Variants in ATP8A2 observed in about 807,000 individuals in gnomAD.
ATP8A2 encodes ATPase phospholipid transporting 8A2.
A neutral mutation model predicts 165.6 loss-of-function variants in ATP8A2; 100 were observed. The observed-to-expected ratio is 0.60, with a 90% confidence interval of 0.51 to 0.71. ATP8A2 has a LOEUF of 0.71. Ranked by LOEUF, ATP8A2 falls within the 30% of genes least tolerant of loss-of-function variation. ATP8A2 has a pLI of 0.00. For synonymous variants in ATP8A2, 543 were observed against 548.8 expected (o/e 0.99, Z 0.15); for missense variants, 1,227 against 1,479.5 (o/e 0.83, Z 2.80).
At chr13:25,871,256 GTGTACGTC>G in intron 33 of ATP8A2, 1 of 364,414 alleles carries the variant, frequency 2.7e-6, no homozygotes, top group South Asian at 2.0e-5. Flanking sequence ...AGTGGTCACA[GTGTACGTC>G]TGATGTGGTT....
chr13:25,961,875 T>C (rs767586332), intron 34 of ATP8A2, among the ~76,000 whole-genome samples: 3 of 152,050 alleles, frequency 2.0e-5, no homozygotes, highest in African/African-American at 4.8e-5. Context: ...AATAGAAAAA[T>C]CAGCTGGGCA....
intron 24 of ATP8A2, among the ~76,000 whole-genome samples, chr13:25,631,503 A>G (rs1204614081): frequency 6.6e-6 from 1 of 152,164 alleles, no homozygotes; most frequent in Non-Finnish European, 1.5e-5. Flanking sequence ...TGTAAACTTT[A>G]TGAAACATCA....
chr13:25,831,553 A>G (rs957077739), intron 28 of ATP8A2, among the ~76,000 whole-genome samples: 1 of 152,142 alleles, frequency 6.6e-6, no homozygotes, highest in Admixed American at 6.5e-5. Context: ...GCATTAAAAC[A>G]GACTTGAGGC....
At chr13:26,000,700 CA>C (rs5802358) in intron 35 of ATP8A2, among the ~76,000 whole-genome samples, 26 of 110,154 alleles carry the variant, frequency 2.4e-4, no homozygotes, top group African/African-American at 5.3e-4. Context: ...AGTACAGAGC[CA>C]AAAAAAAAAA....
intron 28 of ATP8A2, among the ~76,000 whole-genome samples, chr13:25,832,533 G>A (rs187409729): frequency 1.4e-3 from 210 of 152,150 alleles, no homozygotes; most frequent in African/African-American, 4.7e-3. Context: ...TTTATTTTGG[G>A]GATACAGGAG....
chr13:25,429,819 C>T (rs768213518), intron 1 of ATP8A2, among the ~76,000 whole-genome samples: 1 of 152,090 alleles, frequency 6.6e-6, no homozygotes, highest in Non-Finnish European at 1.5e-5. Context: ...GGAGCGCTCT[C>T]CAGGGCTTGG....
Position 25,940,618 on chromosome 13 carries a change from T to C in ATP8A2, c.3184-20957T>C, listed in dbSNP as rs112323032. On this transcript the variant is annotated intron_variant, in intron 33 of 36. Coordinates refer to ENST00000381655, the MANE Select transcript of ATP8A2 (RefSeq NM_016529.6). Reference sequence around the variant, plus strand: ...CGAGGACTTCATGGAGGGCTGGCTGTTCTTCTTCCTCCACCTCCTAGCATA... The same window carrying C: ...CGAGGACTTCATGGAGGGCTGGCTGCTCTTCTTCCTCCACCTCCTAGCATA... 5.1e-3 allele frequency among the ~76,000 whole-genome samples: 769 copies of C among 151,264 alleles called. 6 individuals are homozygous for C. Among genetic ancestry groups the C allele is most frequent in the African/African-American group, 0.017 (691 of 40,608 alleles).
intron 26 of ATP8A2, among the ~76,000 whole-genome samples, chr13:25,772,732 A>AT (rs2044649962): frequency 2.7e-5 from 4 of 150,696 alleles, no homozygotes; most frequent in East Asian, 1.9e-4. Context: ...CATTTAATTA[A>AT]TTAATTTATT....
At chr13:25,930,381 C>T (rs1292918283) in intron 33 of ATP8A2, among the ~76,000 whole-genome samples, 1 of 151,298 alleles carries the variant, frequency 6.6e-6, no homozygotes, top group Admixed American at 6.6e-5. Flanking sequence ...CCATCCCCCA[C>T]CCCGCCCAGT....
chr13:25,434,314 C>T (rs140376098), intron 1 of ATP8A2, among the ~76,000 whole-genome samples: 1,700 of 152,132 alleles, frequency 0.011, 14 homozygotes, highest in Admixed American at 0.017. Flanking sequence ...GAAGCATGAG[C>T]CTCTTTTTCT....
chr13:25,887,439 A>C (rs1426360146), intron 33 of ATP8A2, among the ~76,000 whole-genome samples: 2 of 152,004 alleles, frequency 1.3e-5, no homozygotes, highest in African/African-American at 2.4e-5. Flanking sequence ...CCTGGGTTCA[A>C]GCGATTCTCT....
At chr13:25,723,719 G>A (rs1342106364) in intron 25 of ATP8A2, among the ~76,000 whole-genome samples, 1 of 152,112 alleles carries the variant, frequency 6.6e-6, no homozygotes, top group Non-Finnish European at 1.5e-5. Context: ...CAGCATTCCA[G>A]TCCAAGATGG....
chr13:25,661,535 A>G (rs2042051096), intron 24 of ATP8A2, among the ~76,000 whole-genome samples: 1 of 152,214 alleles, frequency 6.6e-6, no homozygotes, highest in African/African-American at 2.4e-5. Context: ...TCTCAAATAT[A>G]TACTTAATAA....
At chr13:25,736,512 G>T (rs879864158) in intron 25 of ATP8A2, among the ~76,000 whole-genome samples, 2 of 152,202 alleles carry the variant, frequency 1.3e-5, no homozygotes, top group African/African-American at 2.4e-5. Context: ...GGCATGATTC[G>T]TTGGAGACAT....
At chr13:25,667,267 C>T (rs779665095) in intron 24 of ATP8A2, among the ~76,000 whole-genome samples, 7 of 152,068 alleles carry the variant, frequency 4.6e-5, no homozygotes, top group Non-Finnish European at 8.8e-5. Context: ...TGTTTGCCTC[C>T]ACCGACACAC....
intron 30 of ATP8A2, among the ~76,000 whole-genome samples, chr13:25,847,639 G>T (rs1228759171): frequency 6.6e-6 from 1 of 152,184 alleles, no homozygotes; most frequent in Non-Finnish European, 1.5e-5. Flanking sequence ...ACCCAGTAAA[G>T]AGTTATTTCT....
At chr13:25,468,858 G>A (rs1377905024) in intron 1 of ATP8A2, 119 bp from the exon 2 acceptor site, 2 of 1,483,898 alleles carry the variant, frequency 1.3e-6, no homozygotes, top group East Asian at 2.6e-5. Context: ...GGCGGCGTCC[G>A]CCTCACCCGA....
chr13:25,443,768 T>C (rs1381467430), intron 1 of ATP8A2, among the ~76,000 whole-genome samples: 1 of 152,236 alleles, frequency 6.6e-6, no homozygotes, highest in Non-Finnish European at 1.5e-5. Flanking sequence ...ATAGGCTACA[T>C]GAGGGCACGG....
intron 33 of ATP8A2, among the ~76,000 whole-genome samples, chr13:25,935,575 A>G (rs1256787061): frequency 1.3e-5 from 2 of 152,224 alleles, no homozygotes; most frequent in African/African-American, 4.8e-5. Context: ...AGGGCCTCAG[A>G]AAGCTTCCAG....
Sources: gnomAD v4.1 joint callset for allele counts (sites outside exome capture counted in the v4.1 genomes callset) on GRCh38, gnomAD v4.1.1 for gene constraint, MANE v1.5 for transcripts, NCBI Gene and HGNC (gene_info 2026-07-23, HGNC 2026-07-21) for gene names.